APOB: variants seen among roughly 807,000 people sequenced by gnomAD.
APOB encodes apolipoprotein B-100.
A neutral mutation model predicts 314.1 loss-of-function variants in APOB; 153 were observed. The ratio of observed to expected loss-of-function variants is 0.49; its 90% CI spans 0.43 to 0.56. The LOEUF is 0.56. Among genes scored for constraint, APOB ranks in the 20% least tolerant of loss-of-function variants. The probability of loss-of-function intolerance (pLI) is 0.00; values close to 1 mark genes in which losing one functional copy is unlikely to be tolerated. For synonymous variants in APOB, 2,087 were observed against 2,036.4 expected (o/e 1.02, Z -0.67); for missense variants, 5,430 against 5,350.7 (o/e 1.01, Z -0.46).
Position 21,009,601 on chromosome 2 carries a change from A to T in APOB, c.7267T>A (p.Leu2423Met). The change falls in exon 26 of 29, where the codon TTG becomes ATG. Residue 2423 changes from leucine (L) to methionine (M), a missense_variant. Physicochemically the swap from Leu to Met is conservative, Grantham distance 15. This residue lies in a region of APOB where 3,281 missense variants were observed against 3,171.0 expected (regional missense o/e 1.03). Coordinates refer to ENST00000233242, the MANE Select transcript of APOB (RefSeq NM_000384.3). ...IEDVNKFLDM[L>M]IKKLKSFDYH... ...TCAAATGACTTTAATTTCTTTATCA[A>T]CATGTCAAGGAATTTGTTAACATCT... The T allele has an allele frequency of 6.2e-7, 1 of 1,613,898 alleles. No homozygotes were observed. Among genetic ancestry groups the T allele is most frequent in the Non-Finnish European group, 8.5e-7 (1 of 1,179,850 alleles).
Position 21,005,261 on chromosome 2 carries a change from G to T in APOB, c.11607C>A (p.Phe3869Leu), listed in dbSNP as rs1663095280. ...EQTIEIPSIK[F>L]SVPAGIVIPS... ...GAATGACAATTCCAGCAGGTACAGA[G>T]AACTTAATGGAGGGAATCTCAATGG... Residue 3869 changes from phenylalanine to leucine, a missense_variant, in exon 26 of 29, where the codon TTC (phenylalanine) becomes TTA (leucine). Physicochemically the swap from Phe to Leu is conservative, Grantham distance 22. Transcript: ENST00000233242. 1.2e-6 allele frequency: 2 copies of T among 1,614,064 alleles called. No individual in the cohort carries two copies. Among genetic ancestry groups the T allele is most frequent in the Middle Eastern group, 1.7e-4 (1 of 6,060 alleles).
intron 2 of APOB, 31 bp downstream of exon 2, chr2:21,043,482 C>T (rs1168352879): frequency 1.3e-6 from 2 of 1,590,542 alleles, no homozygotes; most frequent in Non-Finnish European, 1.7e-6. Context: ...GGGCTGGGCG[C>T]CCTTCCACGC....
At chr2:21,025,967 T>C (rs1663723033) in intron 15 of APOB, among the ~76,000 whole-genome samples, 1 of 152,200 alleles carries the variant, frequency 6.6e-6, no homozygotes, top group Non-Finnish European at 1.5e-5. Context: ...GCTAGTGCAC[T>C]GATGGGAGTG....
At chr2:21,042,295 G>T in intron 3 of APOB, 66 bp downstream of exon 3, 1 of 1,274,672 alleles carries the variant, frequency 7.8e-7, no homozygotes, top group Non-Finnish European at 1.1e-6. Context: ...CGTGTTGGGC[G>T]CCCGCTGGAA....
chr2:21,027,951 A>T lies in APOB; in HGVS notation c.1944T>A (p.Leu648=). 6.2e-7 allele frequency: 1 copy of T among 1,613,954 alleles called. No individual in the cohort carries two copies. Among genetic ancestry groups the T allele is most frequent in the Non-Finnish European group, 8.5e-7 (1 of 1,179,790 alleles). The change falls in exon 14 of 29, where the codon CTT becomes CTA. Residue 648 remains leucine, a synonymous_variant. Coordinates refer to ENST00000233242, the MANE Select transcript of APOB (RefSeq NM_000384.3). The stretch of plus-strand genomic sequence containing the variant: ...CTTCTATTTTGGCTGAGGCTGGGTC[A>T]AGTGATGGAAGAGAAACAGATTTGT... ...QLYKSVSLPS[L]DPASAKIEGN... is the part of the protein sequence containing the mutation.
intron 16 of APOB, chr2:21,024,619 T>TA (rs1045847918): frequency 1.5e-5 from 8 of 516,250 alleles, no homozygotes; most frequent in African/African-American, 6.0e-5. Context: ...CTCAAAAAAT[T>TA]AAAAAAATAA....
Position 21,010,775 on chromosome 2 carries a change from ACT to A in APOB, c.6091_6092del (p.Ser2031Ter). The A allele has an allele frequency of 6.2e-7, 1 of 1,614,162 alleles. No individual in the cohort carries two copies. On this transcript the variant is annotated frameshift_variant, in exon 26 of 29. Transcript: ENST00000233242. LOFTEE classifies it high-confidence loss of function. The part of the protein sequence containing the change: ...DSPIKVPLLL[S>X]EPINIIDALE... Reference sequence around the variant, plus strand: ...AAGCATCAATGATATTGATGGGCTCACTGAGTAAAAGTGGCACTTTAATTGGG... The same window carrying A: ...AAGCATCAATGATATTGATGGGCTCAGAGTAAAAGTGGCACTTTAATTGGG...
At position 21,023,026 on chromosome 2, in the gene APOB, A is replaced by C. The variant is rs1663652987; in HGVS notation, c.2621T>G (p.Val874Gly). 6.2e-7 allele frequency: 1 copy of C among 1,614,060 alleles called. No individual in the cohort carries two copies. Among genetic ancestry groups the C allele is most frequent in the South Asian group, 1.1e-5 (1 of 91,084 alleles). The change falls in exon 18 of 29, where the codon GTG becomes GGG. Residue 874 changes from valine (V) to glycine (G), a missense_variant. Transcript: ENST00000233242. ...LEVANMQAELVAKPSVSVEFV... is the reference protein window; with the variant it reads ...LEVANMQAELGAKPSVSVEFV... ...CTCCACAGACACGGAGGGTTTTGCC[A>C]CCAGTTCAGCCTGCATCTATAAGTC... is the stretch of plus-strand genomic sequence containing the variant.
intron 10 of APOB, among the ~76,000 whole-genome samples, chr2:21,031,206 T>G (rs574693104): frequency 1.3e-5 from 2 of 152,226 alleles, no homozygotes; most frequent in Non-Finnish European, 2.9e-5. Context: ...TCAACCTAAG[T>G]GTCTATCAAT....
At position 21,010,779 on chromosome 2, in the gene APOB, A is replaced by T. The variant is rs765536383; in HGVS notation, c.6089T>A (p.Leu2030His). The T allele has an allele frequency of 6.2e-7, 1 of 1,614,172 alleles. No homozygotes were observed. The highest frequency in any genetic ancestry group is 1.7e-5 in the Admixed American group (1 of 60,030). The change falls in exon 26 of 29, where the codon CTC becomes CAC. Residue 2030 changes from leucine to histidine, a missense_variant. Around this residue, in one of 3 missense-constraint regions of APOB, gnomAD observed 3,281 missense variants for 3,171.0 expected, o/e 1.03. Transcript: ENST00000233242. ...ATCAATGATATTGATGGGCTCACTG[A>T]GTAAAAGTGGCACTTTAATTGGGGA... ...LDSPIKVPLL[L>H]SEPINIIDAL...
In APOB at chr2:21,016,735, A is replaced by T; in HGVS notation, c.3122-86T>A. ...TGCGGTGGCTCACACCTGTAATCCCAGCACTTTGGGAGGCCAAGGCGGGCA... is the reference window on the plus strand; with the variant it reads ...TGCGGTGGCTCACACCTGTAATCCCTGCACTTTGGGAGGCCAAGGCGGGCA... On this transcript the variant is annotated intron_variant, in intron 20 of 28. Coordinates refer to ENST00000233242, the MANE Select transcript of APOB (RefSeq NM_000384.3). 3.4e-6 allele frequency: 3 copies of T among 882,024 alleles called. No individual in the cohort carries two copies. In the East Asian group the frequency reaches 7.3e-5, roughly 21 times the overall value. 54.6% of individuals were successfully genotyped at this position (882,024 alleles called of 1,614,324 possible). A position where few individuals can be genotyped will look rare whatever the true frequency, so the allele number is the denominator to read the frequency against.
intron 23 of APOB, 66 bp downstream of exon 23, chr2:21,015,007 C>G: frequency 6.7e-7 from 1 of 1,493,702 alleles, no homozygotes; most frequent in Non-Finnish European, 9.3e-7. Flanking sequence ...CTGCACCTAG[C>G]TCAGAGTTGA....
chr2:21,002,045 A>G lies in APOB; in HGVS notation c.13377T>C (p.Asp4459=), dbSNP rs746353350. ...CTGCAATCTTCTCTTTCCCTTTTCC[A>G]TCTGGATCGGTAAGGATGCTAAGAT... ...QEYLSILTDP[D]GKGKEKIAEL... The change falls in exon 29 of 29, where the codon GAT becomes GAC. Residue 4459 remains aspartate, a synonymous_variant. Transcript: ENST00000233242. The G allele has an allele frequency of 6.2e-6, 10 of 1,613,958 alleles. No individual in the cohort carries two copies. The East Asian group carries it at 8.9e-5, about 14-fold the overall frequency.
intron 23 of APOB, among the ~76,000 whole-genome samples, 158 bp from the exon 24 acceptor site, chr2:21,014,751 C>T (rs531331092): frequency 1.3e-5 from 2 of 152,278 alleles, no homozygotes; most frequent in South Asian, 4.1e-4. Context: ...ATCTTCGTTG[C>T]CAGTCACTGA....
chr2:21,012,771 C>T, intron 25 of APOB, 120 bp from the exon 26 acceptor site: 1 of 1,053,194 alleles, frequency 9.5e-7, no homozygotes, highest in Non-Finnish European at 1.4e-6. Context: ...GCAATAGACT[C>T]CTCCATCTGT....
Position 21,009,117 on chromosome 2 carries a change from C to G in APOB, c.7751G>C (p.Gly2584Ala). The change falls in exon 26 of 29, where the codon GGG becomes GCG. Residue 2584 changes from glycine (G) to alanine (A), a missense_variant. This residue lies in a region of APOB where 3,281 missense variants were observed against 3,171.0 expected (regional missense o/e 1.03). Transcript: ENST00000233242. ...AKRMKALVEQ[G>A]FTVPEIKTIL... The stretch of plus-strand genomic sequence containing the variant: ...GGTCTTGATTTCAGGAACAGTGAAC[C>G]CTTGCTCTACCAATGCTTTCATACG... The G allele has an allele frequency of 2.5e-6, 4 of 1,613,926 alleles. No homozygotes were observed. The highest frequency in any genetic ancestry group is 3.4e-6 in the Non-Finnish European group (4 of 1,179,936).
chr2:21,026,824 G>A lies in APOB; in HGVS notation c.2208C>T (p.Asp736=). ...TATCATCTTTGGTATAGCCAAAGTG[G>A]TCCACTAAGACCTTAGAGACACCAT... ...VPDGVSKVLV[D]HFGYTKDDKH... is the part of the protein sequence containing the mutation. Residue 736 remains aspartate, a synonymous_variant, in exon 15 of 29, where the codon GAC becomes GAT. Transcript: ENST00000233242. 6.2e-7 allele frequency: 1 copy of A among 1,613,960 alleles called. No individual in the cohort carries two copies. The highest frequency in any genetic ancestry group is 8.5e-7 in the Non-Finnish European group (1 of 1,179,890).
chr2:21,004,394 G>A lies in APOB; in HGVS notation c.11962C>T (p.Leu3988=), dbSNP rs779454629. The A allele has an allele frequency of 6.2e-7, 1 of 1,614,066 alleles. No homozygotes were observed. The highest frequency in any genetic ancestry group is 1.7e-4 in the Middle Eastern group (1 of 6,060). ...IKSPAFTDLH[L]RYQKDKKGIS... is the part of the protein sequence containing the mutation. ...CCTTTCTTGTCTTTCTGGTAGCGCAGATGGAGATCGGTGAACGCTGGGCTT... is the reference window on the plus strand; with the variant it reads ...CCTTTCTTGTCTTTCTGGTAGCGCAAATGGAGATCGGTGAACGCTGGGCTT... The change falls in exon 28 of 29, where the codon CTG becomes TTG. Residue 3988 remains leucine (L), a synonymous_variant. Transcript: ENST00000233242.
Position 21,003,071 on chromosome 2 carries a change from T to C in APOB, c.12351A>G (p.Gln4117=). 1.3e-6 allele frequency: 2 copies of C among 1,576,478 alleles called. No individual in the cohort carries two copies. The highest frequency in any genetic ancestry group is 2.3e-5 in the East Asian group (1 of 44,430). The change falls in exon 29 of 29, where the codon CAA becomes CAG. Residue 4117 remains glutamine (Q), a synonymous_variant. Coordinates refer to ENST00000233242, the MANE Select transcript of APOB (RefSeq NM_000384.3). Reference sequence around the variant, plus strand: ...TATCATCAATTTGCCTAATGGCCCCTTGATAAACCCACTCAGCATTGTTCT... The same window carrying C: ...TATCATCAATTTGCCTAATGGCCCCCTGATAAACCCACTCAGCATTGTTCT... ...NLQNNAEWVY[Q]GAIRQIDDID...
Sources: gnomAD v4.1 joint callset for allele counts (sites outside exome capture counted in the v4.1 genomes callset) on GRCh38, gnomAD v4.1.1 for gene constraint, gnomAD v4.1.1 regional missense constraint, MANE v1.5 for transcripts, NCBI Gene and HGNC (gene_info 2026-07-23, HGNC 2026-07-21) for gene names.